Variants in ATRNL1 observed in about 807,000 individuals in gnomAD.
ATRNL1 encodes the protein attractin like 1.
ATRNL1 carries 95 observed loss-of-function variants against 182.7 expected under a neutral mutation model. The observed-to-expected ratio is 0.52, with a 90% CI of 0.44 to 0.62. The LOEUF (loss-of-function observed/expected upper bound fraction) is 0.62, where lower values mean the gene tolerates loss of function less well. Among genes scored for constraint, ATRNL1 ranks in the 20% least tolerant of loss-of-function variants. The pLI is 0.00. For missense variants in ATRNL1, 1,471 were observed against 1,679.5 expected, an observed-to-expected ratio of 0.88 and a Z score of 2.17; for synonymous variants, 576 against 568.3, an observed-to-expected ratio of 1.01 and a Z score of -0.19.
intron 27 of ATRNL1, among the ~76,000 whole-genome samples, chr10:115,794,478 C>T (rs1555082438): frequency 4.6e-5 from 7 of 152,244 alleles, no homozygotes; most frequent in East Asian, 1.9e-4. Flanking sequence ...TAGAATCATG[C>T]GTTGCATTTA....
intron 28 of ATRNL1, among the ~76,000 whole-genome samples, chr10:115,895,917 A>T (rs2134475135): frequency 6.6e-6 from 1 of 152,340 alleles, no homozygotes; most frequent in South Asian, 2.1e-4. Flanking sequence ...GGGAAAGAAC[A>T]TATATGAATG....
At chr10:115,637,230 C>A (rs981981882) in intron 26 of ATRNL1, among the ~76,000 whole-genome samples, 8 of 152,080 alleles carry the variant, frequency 5.3e-5, no homozygotes, top group Non-Finnish European at 1.2e-4. Flanking sequence ...TAGCCCCACA[C>A]AAGTCCTTTA....
intron 1 of ATRNL1, among the ~76,000 whole-genome samples, chr10:115,116,735 G>A (rs566299022): frequency 3.3e-5 from 5 of 152,130 alleles, no homozygotes; most frequent in African/African-American, 1.2e-4. Context: ...ACCTTGATTG[G>A]TGACATCCTC....
At chr10:115,278,775 T>C (rs4409743) in intron 13 of ATRNL1, among the ~76,000 whole-genome samples, 147,512 of 152,306 alleles carry the variant, frequency 0.97, 71,451 homozygotes, top group East Asian at 1. Flanking sequence ...GGACTTGTTT[T>C]GTCTGAATAT....
At chr10:115,113,642 G>C (rs2143553884) in intron 1 of ATRNL1, among the ~76,000 whole-genome samples, 2 of 152,266 alleles carry the variant, frequency 1.3e-5, no homozygotes, top group South Asian at 4.1e-4. Flanking sequence ...TGTAAGACAT[G>C]ACTTGCTCCT....
chr10:115,454,211 C>T (rs1554968239), intron 21 of ATRNL1, among the ~76,000 whole-genome samples: 1 of 152,044 alleles, frequency 6.6e-6, no homozygotes, highest in Non-Finnish European at 1.5e-5. Context: ...GTTAACTCTA[C>T]ATGCATGGGT....
intron 28 of ATRNL1, among the ~76,000 whole-genome samples, chr10:115,872,361 AGTGGGTACT>A (rs1279484129): frequency 6.6e-6 from 1 of 152,216 alleles, no homozygotes; most frequent in Non-Finnish European, 1.5e-5. Flanking sequence ...CTTATTCAGA[AGTGGGTACT>A]GTCCAATTCC....
At chr10:115,779,500 C>G (rs527399921) in intron 27 of ATRNL1, among the ~76,000 whole-genome samples, 2 of 152,176 alleles carry the variant, frequency 1.3e-5, no homozygotes, top group African/African-American at 2.4e-5. Context: ...CCAAACAATA[C>G]TCAATGTGCA....
At chr10:115,491,363 G>A (rs1849293112) in intron 24 of ATRNL1, among the ~76,000 whole-genome samples, 1 of 152,020 alleles carries the variant, frequency 6.6e-6, no homozygotes, top group African/African-American at 2.4e-5. Flanking sequence ...TCCTGCAGGT[G>A]CTCTGTCCCA....
chr10:115,659,661 T>C (rs1464462762), intron 26 of ATRNL1, among the ~76,000 whole-genome samples: 1 of 152,110 alleles, frequency 6.6e-6, no homozygotes, highest in East Asian at 1.9e-4. Context: ...CAGAAGTCTA[T>C]AGTGCTATGG....
intron 26 of ATRNL1, among the ~76,000 whole-genome samples, chr10:115,582,014 G>A (rs1300710618): frequency 1.3e-5 from 2 of 150,368 alleles, no homozygotes; most frequent in South Asian, 2.1e-4. Context: ...TTGTTCTTGC[G>A]ATAGTTTACT....
intron 26 of ATRNL1, among the ~76,000 whole-genome samples, chr10:115,715,784 T>A (rs1177690259): frequency 6.6e-6 from 1 of 152,204 alleles, no homozygotes; most frequent in Non-Finnish European, 1.5e-5. Flanking sequence ...TAAAGAAGAC[T>A]TGTCTTGATC....
Position 115,522,176 on chromosome 10 carries a change from G to GTAT in ATRNL1, c.3716+2854_3716+2856dup, listed in dbSNP as rs529844400. Among the ~76,000 whole-genome samples the GTAT allele has an allele frequency of 2.6e-3, 392 of 152,260 alleles. 1 individual carries two copies. The highest frequency in any genetic ancestry group is 8.8e-3 in the African/African-American group (367 of 41,538). On this transcript the variant is annotated intron_variant, in intron 25 of 28. Transcript: ENST00000355044. ...AGTAGGTCACTATTTTAGTTTGTTTGTATTGCTGAAAAGGAATACCTAAGG... is the reference window on the plus strand; with the variant it reads ...AGTAGGTCACTATTTTAGTTTGTTTGTATTATTGCTGAAAAGGAATACCTAAGG...
At chr10:115,613,400 T>C (rs1857263660) in intron 26 of ATRNL1, among the ~76,000 whole-genome samples, 1 of 152,196 alleles carries the variant, frequency 6.6e-6, no homozygotes, top group South Asian at 2.1e-4. Flanking sequence ...GCGTGTAATC[T>C]TGTTGATGCT....
At chr10:115,742,842 C>T (rs1308769637) in intron 27 of ATRNL1, among the ~76,000 whole-genome samples, 1 of 152,082 alleles carries the variant, frequency 6.6e-6, no homozygotes, top group Non-Finnish European at 1.5e-5. Context: ...AATGGCTTCT[C>T]TATTAGTCCA....
At chr10:115,373,940 T>C (rs545535127) in intron 19 of ATRNL1, among the ~76,000 whole-genome samples, 1 of 152,088 alleles carries the variant, frequency 6.6e-6, no homozygotes, top group African/African-American at 2.4e-5. Context: ...TCAGAAGCAT[T>C]AATATTTATT....
chr10:115,557,155 C>T (rs1853360202), intron 26 of ATRNL1, among the ~76,000 whole-genome samples: 1 of 152,094 alleles, frequency 6.6e-6, no homozygotes, highest in African/African-American at 2.4e-5. Flanking sequence ...TCTGTGTTCA[C>T]TCCAAGTAAA....
intron 26 of ATRNL1, among the ~76,000 whole-genome samples, chr10:115,622,624 A>G (rs1555023327): frequency 6.6e-6 from 1 of 151,820 alleles, no homozygotes. Context: ...TTGTATTAAT[A>G]TTATGTAAAA....
At chr10:115,196,697 T>C (rs556366770) in intron 8 of ATRNL1, among the ~76,000 whole-genome samples, 1 of 152,272 alleles carries the variant, frequency 6.6e-6, no homozygotes, top group East Asian at 1.9e-4. Flanking sequence ...TTTAAAAAAT[T>C]TAAATTTATA....
Sources: allele counts gnomAD v4.1 joint callset (sites outside exome capture counted in the v4.1 genomes callset), GRCh38; gene constraint gnomAD v4.1.1; transcripts MANE v1.5; gene names NCBI Gene and HGNC (gene_info 2026-07-23, HGNC 2026-07-21).